The following AHCYL2 variants were observed in gnomAD, a reference collection of about 807,000 sequenced individuals.
AHCYL2 encodes the protein S-adenosylhomocysteine hydrolase-like protein 2.
Under a neutral mutation model 81.4 loss-of-function variants are expected in AHCYL2, and 28 were observed. That is an observed-to-expected ratio of 0.34 (90% CI 0.25 to 0.47). The LOEUF is 0.47. AHCYL2 is among the 20% of genes least tolerant of loss of function. The pLI is 1.00. For synonymous variants in AHCYL2, 272 were observed against 290.2 expected (o/e 0.94, Z 0.64); for missense variants, 551 against 785.1 (o/e 0.70, Z 3.56).
At chr7:129,292,738 G>C (rs1368062839) in intron 1 of AHCYL2, among the ~76,000 whole-genome samples, 1 of 152,020 alleles carries the variant, frequency 6.6e-6, no homozygotes, top group Non-Finnish European at 1.5e-5. Flanking sequence ...CTGTACTCCA[G>C]CCTGGGTGAC....
At chr7:129,339,242 A>G (rs182840262) in intron 1 of AHCYL2, among the ~76,000 whole-genome samples, 79 of 152,312 alleles carry the variant, frequency 5.2e-4, no homozygotes, top group South Asian at 1.4e-3. Context: ...ACAGACACTC[A>G]TACGTTCATG....
rs752925098 is a variant in AHCYL2 at position 129,379,700 on chromosome 7, C to T, written c.426C>T (p.Arg142=). The change falls in exon 2 of 17, where the codon CGC becomes CGT. Residue 142 remains arginine, a synonymous_variant. Transcript: ENST00000325006. Reference sequence around the variant, plus strand: ...AACGTCCCACCAAAATTGGACGTCGCTCTTTGTCTCGTTCCATTTCTCAGT... The same window carrying T: ...AACGTCCCACCAAAATTGGACGTCGTTCTTTGTCTCGTTCCATTTCTCAGT... ...FNKRPTKIGR[R]SLSRSISQSS... is the part of the protein sequence containing the mutation. 5.0e-6 allele frequency: 8 copies of T among 1,614,174 alleles called. No homozygotes were observed. The South Asian group carries it at 5.5e-5, about 11-fold the overall frequency.
chr7:129,294,962 A>G (rs1797003463), intron 1 of AHCYL2, among the ~76,000 whole-genome samples: 2 of 152,216 alleles, frequency 1.3e-5, no homozygotes, highest in African/African-American at 2.4e-5. Flanking sequence ...AACTTTACCA[A>G]TGTAAAGTAT....
chr7:129,412,438 A>G (rs1796628658), intron 11 of AHCYL2, among the ~76,000 whole-genome samples: 1 of 151,082 alleles, frequency 6.6e-6, no homozygotes, highest in African/African-American at 2.4e-5. Flanking sequence ...ACACCACCAC[A>G]CCCGGCTAAT....
intron 12 of AHCYL2, among the ~76,000 whole-genome samples, chr7:129,421,825 C>T (rs2150966036): frequency 6.6e-6 from 1 of 152,312 alleles, no homozygotes; most frequent in South Asian, 2.1e-4. Flanking sequence ...CTGTCTTTGT[C>T]CATAAGTGGC....
chr7:129,296,020 C>G (rs1241600582), intron 1 of AHCYL2, among the ~76,000 whole-genome samples: 1 of 152,170 alleles, frequency 6.6e-6, no homozygotes, highest in African/African-American at 2.4e-5. Flanking sequence ...GGTTTTAGAT[C>G]TTGGAATCTT....
intron 12 of AHCYL2, 150 bp downstream of exon 12, chr7:129,413,838 G>A: frequency 1.6e-6 from 1 of 634,502 alleles, no homozygotes; most frequent in Non-Finnish European, 2.8e-6. Context: ...CCTATAGCCT[G>A]TGTTTTTGGA....
intron 1 of AHCYL2, among the ~76,000 whole-genome samples, chr7:129,230,782 A>G (rs1391960962): frequency 6.6e-6 from 1 of 151,452 alleles, no homozygotes; most frequent in Non-Finnish European, 1.5e-5. Flanking sequence ...CATATTGTCT[A>G]GGCTGGTCGT....
intron 1 of AHCYL2, among the ~76,000 whole-genome samples, chr7:129,332,371 A>G (rs1798452276): frequency 6.6e-6 from 1 of 152,196 alleles, no homozygotes. Context: ...GTTTGGGTGT[A>G]TTCACTCCTG....
In AHCYL2 at chr7:129,400,335, GGTGGTGTA is replaced by G; in HGVS notation, c.870_877del (p.Trp290CysfsTer3). On this transcript the variant is annotated frameshift_variant, in exon 6 of 17. Coordinates refer to ENST00000325006, the MANE Select transcript of AHCYL2 (RefSeq NM_015328.4). LOFTEE classifies it high-confidence loss of function. ...AAGGGAGAGTCAGAAGATGACTTTT[GGTGGTGTA>G]TCGATAGATGTGTGAATGTGGAGGG... is the stretch of plus-strand genomic sequence containing the variant. 1 of 1,613,512 alleles carries G rather than the reference GGTGGTGTA, an allele frequency of 6.2e-7. No homozygotes were observed. The highest frequency in any genetic ancestry group is 8.5e-7 in the Non-Finnish European group (1 of 1,179,664).
chr7:129,291,268 T>C (rs1260617421), intron 1 of AHCYL2, among the ~76,000 whole-genome samples: 1 of 152,160 alleles, frequency 6.6e-6, no homozygotes, highest in African/African-American at 2.4e-5. Flanking sequence ...GTACCCACAA[T>C]ATGTGAGGCA....
intron 1 of AHCYL2, among the ~76,000 whole-genome samples, chr7:129,369,031 C>G (rs1385536160): frequency 6.6e-6 from 1 of 152,158 alleles, no homozygotes; most frequent in Non-Finnish European, 1.5e-5. Flanking sequence ...CACAACATTT[C>G]CCTATTTCCC....
chr7:129,401,432 G>T (rs369331426), intron 6 of AHCYL2, among the ~76,000 whole-genome samples: 1 of 152,208 alleles, frequency 6.6e-6, no homozygotes, highest in East Asian at 1.9e-4. Context: ...AGAAATTAGG[G>T]AATGTACTGA....
At chr7:129,251,316 G>GT (rs1795241262) in intron 1 of AHCYL2, among the ~76,000 whole-genome samples, 1 of 85,486 alleles carries the variant, frequency 1.2e-5, no homozygotes, top group Non-Finnish European at 2.2e-5. Context: ...AGATAGTAAA[G>GT]ATTTTTTTTT....
At chr7:129,303,457 A>G (rs1396343341) in intron 1 of AHCYL2, among the ~76,000 whole-genome samples, 2 of 152,222 alleles carry the variant, frequency 1.3e-5, no homozygotes, top group Non-Finnish European at 2.9e-5. Flanking sequence ...AATTGCTCAT[A>G]GTAGCCTCAA....
chr7:129,383,430 G>A (rs1480219633), intron 2 of AHCYL2, among the ~76,000 whole-genome samples: 1 of 151,978 alleles, frequency 6.6e-6, no homozygotes, highest in Non-Finnish European at 1.5e-5. Context: ...AAAGTGCTGG[G>A]ATTACAGACA....
At chr7:129,353,560 T>C (rs1407073794) in intron 1 of AHCYL2, among the ~76,000 whole-genome samples, 1 of 151,192 alleles carries the variant, frequency 6.6e-6, no homozygotes, top group Non-Finnish European at 1.5e-5. Context: ...ATCTATCTAT[T>C]TACTTAATTT....
In AHCYL2 at chr7:129,407,135, C is replaced by T. The variant is rs540423413; in HGVS notation, c.1295+669C>T. 2.4e-4 allele frequency among the ~76,000 whole-genome samples: 37 copies of T among 152,082 alleles called. 1 individual carries two copies. Among genetic ancestry groups the T allele is most frequent in the Admixed American group, 1.2e-3 (18 of 15,286 alleles). On this transcript the variant is annotated intron_variant, in intron 10 of 16. Transcript: ENST00000325006. ...GAGGCTGAGGCAGGAGGATTGCTTGCGCCCAGGAGTTCGAGACCAGCCTTG... is the reference window on the plus strand; with the variant it reads ...GAGGCTGAGGCAGGAGGATTGCTTGTGCCCAGGAGTTCGAGACCAGCCTTG...
intron 1 of AHCYL2, among the ~76,000 whole-genome samples, chr7:129,318,890 C>T (rs1179683794): frequency 6.6e-6 from 1 of 151,580 alleles, no homozygotes; most frequent in East Asian, 1.9e-4. Flanking sequence ...ACACCCATCA[C>T]CTGAGCCAGA....
Sources: gnomAD v4.1 joint callset for allele counts (sites outside exome capture counted in the v4.1 genomes callset) on GRCh38, gnomAD v4.1.1 for gene constraint, MANE v1.5 for transcripts, NCBI Gene and HGNC (gene_info 2026-07-23, HGNC 2026-07-21) for gene names.